Variants in TPST2 observed in about 807,000 individuals in gnomAD.
The protein encoded by TPST2 is protein-tyrosine sulfotransferase 2.
Under a neutral mutation model 27.8 loss-of-function variants are expected in TPST2, and 16 were observed. That is an observed-to-expected ratio of 0.58 (90% CI 0.39 to 0.88). The LOEUF (loss-of-function observed/expected upper bound fraction) is 0.88. TPST2 is among the 40% of genes least tolerant of loss of function. The probability of loss-of-function intolerance (pLI) is 0.00; values close to 1 mark genes in which losing one functional copy is unlikely to be tolerated. For synonymous variants in TPST2, 229 were observed against 231.7 expected (o/e 0.99, Z 0.10); for missense variants, 464 against 543.1 (o/e 0.85, Z 1.45).
At chr22:26,559,797 T>C (rs1926990060) in intron 1 of TPST2, among the ~76,000 whole-genome samples, 1 of 152,212 alleles carries the variant, frequency 6.6e-6, no homozygotes, top group South Asian at 2.1e-4. Context: ...GGTCAAACCC[T>C]GGTTTCTGCA....
At chr22:26,546,309 C>T (rs1235131713) in intron 1 of TPST2, among the ~76,000 whole-genome samples, 1 of 152,194 alleles carries the variant, frequency 6.6e-6, no homozygotes, top group Non-Finnish European at 1.5e-5. Flanking sequence ...CCCCCCACAG[C>T]AGGCCACCCC....
intron 3 of TPST2, 111 bp from the exon 4 acceptor site, chr22:26,536,597 C>T (rs1373925586): frequency 9.7e-7 from 1 of 1,029,384 alleles, no homozygotes; most frequent in Non-Finnish European, 1.3e-6. Flanking sequence ...AACCTGGCCT[C>T]CACCCAGCTC....
intron 1 of TPST2, among the ~76,000 whole-genome samples, chr22:26,550,059 AC>A (rs1306261933): frequency 2.0e-5 from 3 of 151,146 alleles, no homozygotes; most frequent in East Asian, 1.9e-4. Context: ...AACAAAAAAA[AC>A]AAATGGGCAG....
intron 1 of TPST2, among the ~76,000 whole-genome samples, chr22:26,551,883 C>CTTTT (rs1163793644): frequency 1.6e-3 from 106 of 66,348 alleles, no homozygotes; most frequent in Non-Finnish European, 2.2e-3. Context: ...TTTTCTTTTT[C>CTTTT]TTTTTTTTTT....
chr22:26,549,228 G>A (rs760984773), intron 1 of TPST2, among the ~76,000 whole-genome samples: 10 of 152,202 alleles, frequency 6.6e-5, no homozygotes, highest in Non-Finnish European at 1.2e-4. Context: ...ATCCCCATCT[G>A]AGAAGTGAAG....
intron 1 of TPST2, among the ~76,000 whole-genome samples, chr22:26,567,778 G>T (rs5761606): frequency 0.05 from 7,589 of 152,302 alleles, 270 homozygotes; most frequent in Non-Finnish European, 0.074. Context: ...CTTCATAAAA[G>T]AGGTTATCTA....
At chr22:26,549,526 G>A (rs113530925) in intron 1 of TPST2, among the ~76,000 whole-genome samples, 9,034 of 151,474 alleles carry the variant, frequency 0.06, 319 homozygotes, top group Middle Eastern at 0.092. Context: ...GCATGGTGGC[G>A]CGTGGCTGTA....
rs1365862266 is a variant in TPST2 at position 26,590,074 on chromosome 22, A to C, written c.-182T>G. The stretch of plus-strand genomic sequence containing the variant: ...CTACCGTGGCGAGACGCGGCGAGGC[A>C]GCCCCACGCACCCAGCGACTCCCGG... On this transcript the variant is annotated 5_prime_UTR_variant, in exon 1 of 7. Coordinates refer to ENST00000338754, the MANE Select transcript of TPST2 (RefSeq NM_003595.5). 6.6e-6 allele frequency: 1 copy of C among 151,750 alleles called. No individual in the cohort carries two copies. The highest frequency in any genetic ancestry group is 2.4e-5 in the African/African-American group (1 of 41,352). 9.4% of individuals were successfully genotyped at this position (151,750 alleles called of 1,614,324 possible).
chr22:26,577,560 AG>A (rs1223608974), intron 1 of TPST2, among the ~76,000 whole-genome samples: 2 of 151,442 alleles, frequency 1.3e-5, no homozygotes, highest in African/African-American at 4.9e-5. Context: ...CGTGTTAGCC[AG>A]GATGGTCTCG....
In TPST2 at chr22:26,552,311, G is replaced by C. The variant is rs537862635; in HGVS notation, c.-160-7636C>G. On this transcript the variant is annotated intron_variant, in intron 1 of 6. Transcript: ENST00000338754. ...TCTTCTCCCTGTTCGTTGTCATTTA[G>C]AGTCAAAATGTACAGGGCCAACTGT... is the stretch of plus-strand genomic sequence containing the variant. 4.5e-4 allele frequency among the ~76,000 whole-genome samples: 69 copies of C among 152,270 alleles called. 2 individuals are homozygous for C. Among genetic ancestry groups the C allele is most frequent in the Non-Finnish European group, 7.8e-4 (53 of 68,038 alleles).
intron 1 of TPST2, among the ~76,000 whole-genome samples, chr22:26,561,816 G>A (rs4239924): frequency 0.27 from 41,422 of 152,110 alleles, 6,220 homozygotes; most frequent in South Asian, 0.41. Flanking sequence ...CATGGCAGAT[G>A]TTTGAGCAGT....
chr22:26,584,237 G>A (rs189059452), intron 1 of TPST2, among the ~76,000 whole-genome samples: 6 of 152,284 alleles, frequency 3.9e-5, no homozygotes, highest in Non-Finnish European at 2.9e-5. Context: ...AGGAAGAGTT[G>A]GGACTTGGCT....
intron 1 of TPST2, among the ~76,000 whole-genome samples, chr22:26,573,052 G>A (rs920381515): frequency 2.0e-5 from 3 of 152,074 alleles, no homozygotes; most frequent in African/African-American, 7.2e-5. Flanking sequence ...ACACATAAGG[G>A]CTTTACTACC....
Position 26,559,094 on chromosome 22 carries a change from C to T in TPST2, c.-160-14419G>A, listed in dbSNP as rs576455933. On this transcript the variant is annotated intron_variant, in intron 1 of 6. Transcript: ENST00000338754. ...AAGTGTACAGTTCATGGGCCCGGCGCGGTGGCCCACGCCTGTAATCCCAAC... is the reference window on the plus strand; with the variant it reads ...AAGTGTACAGTTCATGGGCCCGGCGTGGTGGCCCACGCCTGTAATCCCAAC... 3.0e-3 allele frequency among the ~76,000 whole-genome samples: 453 copies of T among 152,372 alleles called. 3 individuals carry two copies. Among genetic ancestry groups the T allele is most frequent in the African/African-American group, 0.011 (439 of 41,592 alleles).
rs540462471 is a variant in TPST2 at position 26,573,727 on chromosome 22, G to A, written c.-161+16326C>T. On this transcript the variant is annotated intron_variant, in intron 1 of 6. Transcript: ENST00000338754. ...TTCATCCAGGAAGCATGAGGCCTTCGTCCTGGTAATATTTTGGGCATATTA... is the reference window on the plus strand; with the variant it reads ...TTCATCCAGGAAGCATGAGGCCTTCATCCTGGTAATATTTTGGGCATATTA... Among the ~76,000 whole-genome samples, 7 of 152,146 alleles carry A rather than the reference G, an allele frequency of 4.6e-5. No homozygotes were observed. In the South Asian group the frequency reaches 1.5e-3, roughly 32 times the overall value.
At chr22:26,552,105 T>C (rs1251683573) in intron 1 of TPST2, among the ~76,000 whole-genome samples, 2 of 152,072 alleles carry the variant, frequency 1.3e-5, no homozygotes, top group African/African-American at 4.8e-5. Context: ...CTCAAACTCC[T>C]GGGCTCAAGT....
At chr22:26,551,872 CTTTTCTTTTTCTTTTTTTTT>C (rs745607364) in intron 1 of TPST2, among the ~76,000 whole-genome samples, 7 of 120,064 alleles carry the variant, frequency 5.8e-5, no homozygotes, top group Non-Finnish European at 1.2e-4. Flanking sequence ...TTTTCCTTTT[CTTTTCTTTTTCTTTTTTTTT>C]TTTTTTTTTT....
chr22:26,555,170 C>T (rs1306934250), intron 1 of TPST2: 6 of 533,264 alleles, frequency 1.1e-5, no homozygotes, highest in East Asian at 5.4e-5. Context: ...TTTTAACAAG[C>T]GCTGCCCCTT....
intron 1 of TPST2, among the ~76,000 whole-genome samples, chr22:26,550,151 A>G (rs571045443): frequency 6.6e-6 from 1 of 152,236 alleles, no homozygotes; most frequent in Admixed American, 6.5e-5. Flanking sequence ...TAATCAATCT[A>G]AGAGATCCCC....
Sources: allele counts gnomAD v4.1 joint callset (sites outside exome capture counted in the v4.1 genomes callset), GRCh38; gene constraint gnomAD v4.1.1; transcripts MANE v1.5; gene names NCBI Gene and HGNC (gene_info 2026-07-23, HGNC 2026-07-21).